Variants in POU6F2 observed in about 807,000 individuals in gnomAD.
POU6F2 encodes the protein POU domain, class 6, transcription factor 2.
Under a neutral mutation model 71.3 loss-of-function variants are expected in POU6F2, and 31 were observed. The observed-to-expected ratio is 0.43, with a 90% confidence interval of 0.33 to 0.59. POU6F2 has a LOEUF of 0.59. POU6F2 is among the 20% of genes least tolerant of loss of function. The pLI is 0.04. For missense variants in POU6F2, 783 were observed against 856.8 expected, an observed-to-expected ratio of 0.91 and a Z score of 1.07; for synonymous variants, 347 against 355.7, an observed-to-expected ratio of 0.98 and a Z score of 0.27.
At chr7:39,367,617 A>G (rs898545131) in intron 5 of POU6F2, among the ~76,000 whole-genome samples, 25 of 152,206 alleles carry the variant, frequency 1.6e-4, no homozygotes, top group Admixed American at 1.6e-3. Flanking sequence ...TGTGGTTTAT[A>G]TGGTACTGTC....
intron 2 of POU6F2, among the ~76,000 whole-genome samples, chr7:39,168,654 C>G (rs1793159830): frequency 6.6e-6 from 1 of 152,168 alleles, no homozygotes; most frequent in African/African-American, 2.4e-5. Flanking sequence ...CCGATACAGG[C>G]TTAACTGGAG....
rs112964341 is a variant in POU6F2, at chr7:39,386,622, G to A, written c.973-19978G>A. ...CAGCACAGGGACTGGACTATGATGG[G>A]AAAGGTCACCTTATCTCTATAATAT... On this transcript the variant is annotated intron_variant, in intron 5 of 9. Transcript: ENST00000518318. Among the ~76,000 whole-genome samples, 286 of 152,294 alleles carry A rather than the reference G, an allele frequency of 1.9e-3. 2 individuals are homozygous for A. Among genetic ancestry groups the A allele is most frequent in the African/African-American group, 6.6e-3 (273 of 41,560 alleles).
At chr7:39,357,663 C>T (rs1786288348) in intron 5 of POU6F2, among the ~76,000 whole-genome samples, 1 of 152,244 alleles carries the variant, frequency 6.6e-6, no homozygotes, top group East Asian at 1.9e-4. Flanking sequence ...CCTGATTTCA[C>T]TTGGCTTGAT....
At chr7:39,107,351 T>C (rs1312808331) in intron 2 of POU6F2, among the ~76,000 whole-genome samples, 1 of 152,182 alleles carries the variant, frequency 6.6e-6, no homozygotes, top group African/African-American at 2.4e-5. Context: ...ACCTTCTTAT[T>C]GTTTCATATG....
intron 2 of POU6F2, among the ~76,000 whole-genome samples, chr7:39,154,425 T>G (rs1034387496): frequency 6.6e-6 from 1 of 152,230 alleles, no homozygotes; most frequent in Admixed American, 6.5e-5. Flanking sequence ...GCTTAGTTAC[T>G]AGCACAGCAA....
At chr7:39,013,130 G>A (rs1483735365) in intron 1 of POU6F2, 3 of 154,474 alleles carry the variant, frequency 1.9e-5, no homozygotes, top group Non-Finnish European at 2.9e-5. Flanking sequence ...CCCCAGCCTC[G>A]CTGCCGCCTT....
intron 4 of POU6F2, among the ~76,000 whole-genome samples, chr7:39,295,842 A>C (rs926920507): frequency 6.6e-6 from 1 of 152,198 alleles, no homozygotes; most frequent in Non-Finnish European, 1.5e-5. Flanking sequence ...GAATTAACCC[A>C]GTTTTATTTC....
At chr7:39,006,825 A>C (rs1197126497) in intron 1 of POU6F2, 3 of 1,613,160 alleles carry the variant, frequency 1.9e-6, no homozygotes, top group Non-Finnish European at 2.5e-6. Flanking sequence ...GAATGTTCTT[A>C]TAATGATCCA....
At chr7:39,399,885 A>G (rs1769478374) in intron 5 of POU6F2, among the ~76,000 whole-genome samples, 4 of 151,712 alleles carry the variant, frequency 2.6e-5, no homozygotes, top group Non-Finnish European at 4.4e-5. Context: ...AGAAAGAAAG[A>G]AAAAGAAAAG....
At chr7:39,039,798 G>T (rs1218568809) in intron 1 of POU6F2, among the ~76,000 whole-genome samples, 1 of 150,908 alleles carries the variant, frequency 6.6e-6, no homozygotes, top group East Asian at 2.0e-4. Flanking sequence ...TTGAGTAATG[G>T]GCAAAGGTTA....
At chr7:39,162,620 T>C (rs1793019956) in intron 2 of POU6F2, among the ~76,000 whole-genome samples, 1 of 152,164 alleles carries the variant, frequency 6.6e-6, no homozygotes, top group African/African-American at 2.4e-5. Flanking sequence ...CCAAAGTGTG[T>C]TCCTTGGTGG....
intron 4 of POU6F2, among the ~76,000 whole-genome samples, chr7:39,242,547 G>T (rs371076017): frequency 2.0e-5 from 3 of 151,450 alleles, no homozygotes; most frequent in East Asian, 1.9e-4. Context: ...GGCTTTTTTG[G>T]GGGGGGTCAT....
At chr7:39,249,923 T>C (rs1783884578) in intron 4 of POU6F2, among the ~76,000 whole-genome samples, 1 of 152,204 alleles carries the variant, frequency 6.6e-6, no homozygotes, top group Non-Finnish European at 1.5e-5. Context: ...TTTCACTTTG[T>C]AGACTCTCCT....
chr7:39,238,986 C>T (rs1794726619), intron 4 of POU6F2, among the ~76,000 whole-genome samples: 1 of 152,088 alleles, frequency 6.6e-6, no homozygotes, highest in Admixed American at 6.6e-5. Context: ...CTTGGTGATG[C>T]AAGTCAGAGT....
chr7:39,079,653 C>T lies in POU6F2; in HGVS notation c.106-6207C>T, dbSNP rs111737785. Among the ~76,000 whole-genome samples, 509 of 152,166 alleles carry T rather than the reference C, an allele frequency of 3.3e-3. 4 individuals are homozygous for T. The highest frequency in any genetic ancestry group is 0.012 in the African/African-American group (483 of 41,522). Reference sequence around the variant, plus strand: ...AGCATTTATTTTTAATTTTGAATGTCCTGCTTGATTTTCACAGAAATCTTA... The same window carrying T: ...AGCATTTATTTTTAATTTTGAATGTTCTGCTTGATTTTCACAGAAATCTTA... On this transcript the variant is annotated intron_variant, in intron 1 of 9. Transcript: ENST00000518318.
chr7:38,990,520 A>G (rs1248134397), intron 1 of POU6F2, among the ~76,000 whole-genome samples: 7 of 152,192 alleles, frequency 4.6e-5, no homozygotes, highest in African/African-American at 1.7e-4. Context: ...TGATTCAGCC[A>G]TGCCAGACCT....
At chr7:39,152,937 G>A (rs1270858643) in intron 2 of POU6F2, among the ~76,000 whole-genome samples, 5 of 152,098 alleles carry the variant, frequency 3.3e-5, no homozygotes, top group African/African-American at 1.2e-4. Context: ...CCAGGGTGCC[G>A]AGTTAAGAAA....
chr7:39,393,836 A>G (rs770240502), intron 5 of POU6F2, among the ~76,000 whole-genome samples: 15 of 152,214 alleles, frequency 9.9e-5, no homozygotes, highest in Non-Finnish European at 1.6e-4. Flanking sequence ...CAAAGATATT[A>G]TGCATAACAT....
intron 5 of POU6F2, among the ~76,000 whole-genome samples, chr7:39,399,979 T>G (rs538458612): frequency 4.7e-4 from 71 of 152,314 alleles, no homozygotes; most frequent in African/African-American, 1.4e-3. Context: ...ATGGATACAT[T>G]CACCAAAGAG....
Sources: gnomAD v4.1 joint callset for allele counts (sites outside exome capture counted in the v4.1 genomes callset) on GRCh38, gnomAD v4.1.1 for gene constraint, MANE v1.5 for transcripts, NCBI Gene and HGNC (gene_info 2026-07-23, HGNC 2026-07-21) for gene names.